Variants in SERINC5 observed in about 807,000 individuals in gnomAD.
SERINC5 encodes chromosome 5 open reading frame 12.
In SERINC5, 41 loss-of-function variants were observed where a neutral mutation model predicts 63.1. That is an observed-to-expected ratio of 0.65 (90% CI 0.51 to 0.84). SERINC5 has a LOEUF of 0.84. Among genes scored for constraint, SERINC5 ranks in the 40% least tolerant of loss-of-function variants. The pLI is 0.00. For missense variants in SERINC5, 523 were observed against 573.0 expected (o/e 0.91, Z 0.89); for synonymous variants, 222 against 215.2 (o/e 1.03, Z -0.28).
intron 1 of SERINC5, among the ~76,000 whole-genome samples, chr5:80,220,282 C>T (rs890791126): frequency 6.6e-6 from 1 of 151,808 alleles, no homozygotes. Context: ...CAGCGGTGTT[C>T]CCTCTACTTT....
At chr5:80,165,627 A>C (rs998046676) in intron 7 of SERINC5, among the ~76,000 whole-genome samples, 1 of 152,196 alleles carries the variant, frequency 6.6e-6, no homozygotes, top group Non-Finnish European at 1.5e-5. Context: ...CTGTAAATAA[A>C]TGTCATTTAA....
In SERINC5 at chr5:80,141,923, TAATTTGTTTCCCC is replaced by T; in HGVS notation, c.*1727_*1739del. 1 of 985,346 alleles carries T rather than the reference TAATTTGTTTCCCC, an allele frequency of 1.0e-6. No individual in the cohort carries two copies. Among genetic ancestry groups the T allele is most frequent in the Non-Finnish European group, 1.2e-6 (1 of 829,916 alleles). The allele number at this position is 985,346 out of a possible 1,614,324, so 61.0% of individuals were successfully genotyped here. On this transcript the variant is annotated 3_prime_UTR_variant, in exon 12 of 12. Coordinates refer to ENST00000507668, the MANE Select transcript of SERINC5 (RefSeq NM_001174072.3). ...AAGTTCTAAAGGAATTCATCCCCTG[TAATTTGTTTCCCC>T]ATGGGTTTTCTTGGGAGAAGGGCAA... is the stretch of plus-strand genomic sequence containing the variant.
In SERINC5 at chr5:80,177,941, G is replaced by C; in HGVS notation, c.319C>G (p.Leu107Val). 6.2e-7 allele frequency: 1 copy of C among 1,612,016 alleles called. No individual in the cohort carries two copies. Among genetic ancestry groups the C allele is most frequent in the South Asian group, 1.1e-5 (1 of 90,644 alleles). ...GMACFFFIFC[L>V]LTLKINNSKS... Reference sequence around the variant, plus strand: ...CTGTTGTTGATTTTCAAGGTCAGTAGACAGAAGATAAAGAAGAAACAAGCC... The same window carrying C: ...CTGTTGTTGATTTTCAAGGTCAGTACACAGAAGATAAAGAAGAAACAAGCC... Residue 107 changes from leucine to valine, a missense_variant, in exon 3 of 12, where the codon CTA becomes GTA. Physicochemically the swap from Leu to Val is conservative, Grantham distance 32. Transcript: ENST00000507668.
intron 6 of SERINC5, among the ~76,000 whole-genome samples, chr5:80,167,732 T>C (rs181161216): frequency 6.6e-6 from 1 of 152,338 alleles, no homozygotes; most frequent in East Asian, 1.9e-4. Context: ...AAGCCATCTG[T>C]TATTTTTTGA....
chr5:80,133,432 A>G (rs1332726873), intron 11 of SERINC5, among the ~76,000 whole-genome samples: 1 of 152,186 alleles, frequency 6.6e-6, no homozygotes, highest in African/African-American at 2.4e-5. Flanking sequence ...AAGATGGTAC[A>G]TGTGTTCATG....
intron 1 of SERINC5, among the ~76,000 whole-genome samples, chr5:80,222,491 A>G (rs369392774): frequency 6.6e-6 from 1 of 152,136 alleles, no homozygotes; most frequent in East Asian, 1.9e-4. Flanking sequence ...CGTGGGAACC[A>G]AATCCAAAAT....
intron 1 of SERINC5, chr5:80,203,279 T>C (rs1561423156): frequency 5.6e-6 from 1 of 177,286 alleles, no homozygotes; most frequent in East Asian, 1.6e-4. Flanking sequence ...TATGTGTATA[T>C]ATATTTATAT....
At chr5:80,242,271 A>C (rs181097337) in intron 1 of SERINC5, among the ~76,000 whole-genome samples, 1 of 152,348 alleles carries the variant, frequency 6.6e-6, no homozygotes, top group Admixed American at 6.5e-5. Context: ...GTTGAAAGCC[A>C]AAAGGGTGGT....
At chr5:80,214,910 A>T (rs1168068001) in intron 1 of SERINC5, among the ~76,000 whole-genome samples, 5 of 152,240 alleles carry the variant, frequency 3.3e-5, no homozygotes, top group Non-Finnish European at 5.9e-5. Flanking sequence ...AACAGTAGTT[A>T]AGATGGTAAA....
chr5:80,139,497 G>T lies in SERINC5; in HGVS notation c.*4166C>A. On this transcript the variant is annotated 3_prime_UTR_variant, in exon 12 of 12. Transcript: ENST00000507668. The stretch of plus-strand genomic sequence containing the variant: ...CTTCCCCATTTGTTTCTTTCTGAAA[G>T]GATTTTGCTTAAGGAAAAAAAAAGC... The T allele has an allele frequency of 2.0e-6, 2 of 984,888 alleles. No homozygotes were observed. The highest frequency in any genetic ancestry group is 3.5e-5 in the African/African-American group (2 of 57,084). 61.0% of individuals were successfully genotyped at this position (984,888 alleles called of 1,614,324 possible). A position where few individuals can be genotyped will look rare whatever the true frequency, so the allele number is the denominator to read the frequency against.
chr5:80,254,528 C>G (rs977152716), intron 1 of SERINC5, among the ~76,000 whole-genome samples: 1 of 152,160 alleles, frequency 6.6e-6, no homozygotes, highest in African/African-American at 2.4e-5. Context: ...AGGACAGATG[C>G]CCCTAAAGAG....
chr5:80,137,907 C>T (rs1432724630), downstream of SERINC5, among the ~76,000 whole-genome samples: 2 of 152,008 alleles, frequency 1.3e-5, no homozygotes, highest in Admixed American at 1.3e-4. Flanking sequence ...CACTGTACTC[C>T]AGCCTGGGTG....
intron 6 of SERINC5, among the ~76,000 whole-genome samples, chr5:80,167,914 T>A (rs770612414): frequency 1.3e-5 from 2 of 152,224 alleles, no homozygotes; most frequent in African/African-American, 4.8e-5. Context: ...ATTATCATTA[T>A]TAAATTGTAA....
chr5:80,219,997 C>A, intron 1 of SERINC5, among the ~76,000 whole-genome samples: 1 of 152,014 alleles, frequency 6.6e-6, no homozygotes, highest in East Asian at 1.9e-4. Flanking sequence ...CACCTGAGGT[C>A]AGGAGTTCAA....
downstream of SERINC5, among the ~76,000 whole-genome samples, chr5:80,134,725 C>T (rs1047839558): frequency 3.9e-5 from 6 of 152,168 alleles, no homozygotes; most frequent in African/African-American, 1.4e-4. Context: ...ACATGAGGCC[C>T]TTTGTTAAAA....
chr5:80,231,603 C>A lies in SERINC5; in HGVS notation c.27+24293G>T, dbSNP rs190722052. Among the ~76,000 whole-genome samples, 6 of 151,694 alleles carry A rather than the reference C, an allele frequency of 4.0e-5. No individual in the cohort carries two copies. The East Asian group carries it at 1.2e-3, about 29-fold the overall frequency. ...AGGTCTAAATTCCAGATGAATAATT[C>A]TTCCAACGTACAGTCAAATTAAAAA... On this transcript the variant is annotated intron_variant, in intron 1 of 11. Transcript: ENST00000507668.
intron 2 of SERINC5, among the ~76,000 whole-genome samples, chr5:80,190,479 T>G (rs1391593265): frequency 2.6e-5 from 4 of 152,192 alleles, no homozygotes; most frequent in Non-Finnish European, 4.4e-5. Flanking sequence ...GACATACACA[T>G]GTATTACAGC....
chr5:80,182,425 T>A (rs1473092313), intron 2 of SERINC5, among the ~76,000 whole-genome samples: 3 of 151,782 alleles, frequency 2.0e-5, no homozygotes, highest in African/African-American at 7.3e-5. Context: ...ATCAGACGTT[T>A]ATTCACCATA....
chr5:80,157,522 A>AT (rs1160332644), intron 8 of SERINC5: 6,224 of 112,976 alleles, frequency 0.055, 353 homozygotes, highest in African/African-American at 0.16. Context: ...ATCACGCCTG[A>AT]TTTTTTTTTT....
Sources: gnomAD v4.1 joint callset for allele counts (sites outside exome capture counted in the v4.1 genomes callset) on GRCh38, gnomAD v4.1.1 for gene constraint, MANE v1.5 for transcripts, NCBI Gene and HGNC (gene_info 2026-07-23, HGNC 2026-07-21) for gene names.